CASZ1: variants seen among roughly 807,000 people sequenced by gnomAD.
CASZ1 encodes zinc finger protein castor homolog 1.
Under a neutral mutation model 135.2 loss-of-function variants are expected in CASZ1, and 28 were observed. The observed-to-expected ratio is 0.21, with a 90% CI of 0.15 to 0.28. The LOEUF is 0.28. Among genes scored for constraint, CASZ1 ranks in the 10% least tolerant of loss-of-function variants. The pLI, the probability that CASZ1 is intolerant of heterozygous loss-of-function variation, is 1.00. For synonymous variants in CASZ1, 1,068 were observed against 1,073.4 expected, an observed-to-expected ratio of 0.99 and a Z score of 0.10; for missense variants, 2,161 against 2,453.3, an observed-to-expected ratio of 0.88 and a Z score of 2.52.
rs1638874051 is a variant in CASZ1, at chr1:10,694,584, C to CCGCCGCCG, written c.-23-673_-23-672insCGGCGGCG. 1 of 137,422 alleles carries CCGCCGCCG rather than the reference C, an allele frequency of 7.3e-6. No individual in the cohort carries two copies. Among genetic ancestry groups the CCGCCGCCG allele is most frequent in the South Asian group, 2.2e-4 (1 of 4,566 alleles). 8.5% of individuals were successfully genotyped at this position (137,422 alleles called of 1,614,324 possible). ...GGCAGGTGAAAGAGCAGAGCGCGGC[C>CCGCCGCCG]CCGCCGCCGCCGCCGCCGCCGCCGC... On this transcript the variant is annotated intron_variant, in intron 3 of 20. Coordinates refer to ENST00000377022, the MANE Select transcript of CASZ1 (RefSeq NM_001079843.3). This position sits in a 1 kb window ranked among gnomAD's most constrained non-coding sequence, Gnocchi z 6.6.
intron 4 of CASZ1, among the ~76,000 whole-genome samples, chr1:10,688,208 C>T (rs1638656124): frequency 6.6e-6 from 1 of 152,110 alleles, no homozygotes; most frequent in Admixed American, 6.5e-5. Context: ...AGTGCTGGGT[C>T]CTGGCACAGC....
rs888449004 is a variant in CASZ1 at position 10,719,939 on chromosome 1, T to G, written c.-76-14395A>C. 6.6e-6 allele frequency among the ~76,000 whole-genome samples: 1 copy of G among 152,198 alleles called. No homozygotes were observed. The highest frequency in any genetic ancestry group is 6.5e-5 in the Admixed American group (1 of 15,284). On this transcript the variant is annotated intron_variant, in intron 2 of 20. Transcript: ENST00000377022. This position sits in a 1 kb window ranked among gnomAD's most constrained non-coding sequence, Gnocchi z 4.0. ...AGAGGCCAGCAGTGCAGAGATATGGTGCCTGAACACAGGTCCTCCGACAGC... is the reference window on the plus strand; with the variant it reads ...AGAGGCCAGCAGTGCAGAGATATGGGGCCTGAACACAGGTCCTCCGACAGC...
intron 2 of CASZ1, among the ~76,000 whole-genome samples, chr1:10,708,933 G>A (rs1043976054): frequency 6.8e-6 from 1 of 146,070 alleles, no homozygotes; most frequent in Non-Finnish European, 1.5e-5. Flanking sequence ...GCCAGGGTCG[G>A]GGGAGGGCAG....
chr1:10,694,019 G>T lies in CASZ1; in HGVS notation c.-23-107C>A. ...GCTTGTCCCCCGCCCCGCAGGAGCG[G>T]CCCGTCCCGGGCGGGCGCCGAGGCC... is the stretch of plus-strand genomic sequence containing the variant. On this transcript the variant is annotated intron_variant, in intron 3 of 20. Coordinates refer to ENST00000377022, the MANE Select transcript of CASZ1 (RefSeq NM_001079843.3). The surrounding 1 kb of genome is among the most constrained non-coding windows in gnomAD (Gnocchi z 6.6). 1.8e-6 allele frequency: 2 copies of T among 1,083,864 alleles called. No homozygotes were observed. Among genetic ancestry groups the T allele is most frequent in the Non-Finnish European group, 2.6e-6 (2 of 761,550 alleles). 67.1% of individuals were successfully genotyped at this position (1,083,864 alleles called of 1,614,324 possible).
Position 10,727,820 on chromosome 1 carries a change from G to A in CASZ1, c.-76-22276C>T, listed in dbSNP as rs917693092. Among the ~76,000 whole-genome samples the A allele has an allele frequency of 6.6e-6, 1 of 152,216 alleles. No individual in the cohort carries two copies. The highest frequency in any genetic ancestry group is 1.9e-4 in the East Asian group (1 of 5,188). On this transcript the variant is annotated intron_variant, in intron 2 of 20. Transcript: ENST00000377022. This position sits in a 1 kb window ranked among gnomAD's most constrained non-coding sequence, Gnocchi z 5.3. Reference sequence around the variant, plus strand: ...CCTTGCCCAGACTGTGCCGACCTGGGAACCTGTGGAGCCCCTGGCTAGTGG... The same window carrying A: ...CCTTGCCCAGACTGTGCCGACCTGGAAACCTGTGGAGCCCCTGGCTAGTGG...
At chr1:10,752,851 C>A (rs1640174556) in intron 2 of CASZ1, among the ~76,000 whole-genome samples, 1 of 152,164 alleles carries the variant, frequency 6.6e-6, no homozygotes, top group African/African-American at 2.4e-5. Context: ...GCCTGGCCAA[C>A]ATGGTGAAAC....
intron 2 of CASZ1, among the ~76,000 whole-genome samples, chr1:10,715,332 A>C (rs980431978): frequency 5.9e-5 from 9 of 152,084 alleles, no homozygotes; most frequent in African/African-American, 2.2e-4. Flanking sequence ...ACGATGGTAG[A>C]AGCAGTCCTG....
At chr1:10,663,964 T>TTCCTC (rs796842856) in intron 5 of CASZ1, among the ~76,000 whole-genome samples, 9 of 152,114 alleles carry the variant, frequency 5.9e-5, no homozygotes, top group South Asian at 2.1e-4. Flanking sequence ...CCTTGTCGCG[T>TTCCTC]TCCTCTCCTC....
intron 4 of CASZ1, among the ~76,000 whole-genome samples, chr1:10,683,978 G>C (rs1309623022): frequency 2.6e-5 from 4 of 152,206 alleles, no homozygotes; most frequent in African/African-American, 9.6e-5. Context: ...CTGCCATTTG[G>C]AACAGTGCTC....
At chr1:10,765,283 G>C (rs920935761) in intron 1 of CASZ1, among the ~76,000 whole-genome samples, 1 of 151,860 alleles carries the variant, frequency 6.6e-6, no homozygotes, top group Non-Finnish European at 1.5e-5. Context: ...AGATAAGCCC[G>C]GGGTGGGGAG....
rs1639232357 is a variant in CASZ1 at position 10,709,040 on chromosome 1, G to A, written c.-76-3496C>T. Among the ~76,000 whole-genome samples the A allele has an allele frequency of 6.6e-6, 1 of 152,008 alleles. No homozygotes were observed. The stretch of plus-strand genomic sequence containing the variant: ...ATGGGACGGGGGAGAGTGACAGGCG[G>A]AGAAGTGGCAGGGACCAGCGTACCA... On this transcript the variant is annotated intron_variant, in intron 2 of 20. Transcript: ENST00000377022. This position sits in a 1 kb window ranked among gnomAD's most constrained non-coding sequence, Gnocchi z 5.1.
rs1191922738 is a variant in CASZ1, at chr1:10,699,976, G to A, written c.-24+5516C>T. On this transcript the variant is annotated intron_variant, in intron 3 of 20. Coordinates refer to ENST00000377022, the MANE Select transcript of CASZ1 (RefSeq NM_001079843.3). The surrounding 1 kb of genome is among the most constrained non-coding windows in gnomAD (Gnocchi z 4.6). Reference sequence around the variant, plus strand: ...CAGAAGAGAAGCAGAGACAGAGAGAGAGAAAGAGAGACAGGCAGAGAGAGA... The same window carrying A: ...CAGAAGAGAAGCAGAGACAGAGAGAAAGAAAGAGAGACAGGCAGAGAGAGA... 6.6e-6 allele frequency among the ~76,000 whole-genome samples: 1 copy of A among 152,006 alleles called. No individual in the cohort carries two copies. The highest frequency in any genetic ancestry group is 2.1e-4 in the South Asian group (1 of 4,814).
chr1:10,675,440 G>A (rs1643537134), intron 4 of CASZ1, among the ~76,000 whole-genome samples: 1 of 152,154 alleles, frequency 6.6e-6, no homozygotes, highest in African/African-American at 2.4e-5. Context: ...GAGCAGGCGG[G>A]GTGGTCTGGC....
chr1:10,647,778 TC>T lies in CASZ1; in HGVS notation c.3497+22del. 4.3e-6 allele frequency: 7 copies of T among 1,612,656 alleles called. No homozygotes were observed. Among genetic ancestry groups the T allele is most frequent in the Non-Finnish European group, 5.9e-6 (7 of 1,180,002 alleles). On this transcript the variant is annotated intron_variant, in intron 16 of 20. Coordinates refer to ENST00000377022, the MANE Select transcript of CASZ1 (RefSeq NM_001079843.3). This position sits in a 1 kb window ranked among gnomAD's most constrained non-coding sequence, Gnocchi z 4.9. ...CCGAGACGCGAGGGGAACGCGGGAC[TC>T]CCGGCTCATCGAGGGACTCACTTCT... is the stretch of plus-strand genomic sequence containing the variant.
At chr1:10,769,609 C>T (rs780535015) in intron 1 of CASZ1, among the ~76,000 whole-genome samples, 20 of 151,706 alleles carry the variant, frequency 1.3e-4, no homozygotes, top group Non-Finnish European at 2.4e-4. Context: ...CTCTGTTCCC[C>T]GGGTTCAAGC....
In CASZ1 at chr1:10,690,001, C is replaced by T. The variant is rs533952880; in HGVS notation, c.16+3873G>A. On this transcript the variant is annotated intron_variant, in intron 4 of 20. Coordinates refer to ENST00000377022, the MANE Select transcript of CASZ1 (RefSeq NM_001079843.3). ...CAAGATGGCCCCAGAGCACCTACCCCCTGCAGCAGACTGGCAAAACCGGTG... is the reference window on the plus strand; with the variant it reads ...CAAGATGGCCCCAGAGCACCTACCCTCTGCAGCAGACTGGCAAAACCGGTG... Among the ~76,000 whole-genome samples the T allele has an allele frequency of 3.3e-5, 5 of 152,368 alleles. No homozygotes were observed. In the East Asian group the frequency reaches 5.8e-4, roughly 18 times the overall value.
intron 18 of CASZ1, among the ~76,000 whole-genome samples, chr1:10,644,550 A>G (rs2124669945): frequency 6.6e-6 from 1 of 152,336 alleles, no homozygotes; most frequent in South Asian, 2.1e-4. Flanking sequence ...AAAGCCATGG[A>G]AAGAGATCCC....
rs1486869575 is a variant in CASZ1, at chr1:10,724,575, G to A, written c.-76-19031C>T. Among the ~76,000 whole-genome samples, 1 of 152,194 alleles carries A rather than the reference G, an allele frequency of 6.6e-6. No individual in the cohort carries two copies. The highest frequency in any genetic ancestry group is 6.5e-5 in the Admixed American group (1 of 15,282). On this transcript the variant is annotated intron_variant, in intron 2 of 20. Coordinates refer to ENST00000377022, the MANE Select transcript of CASZ1 (RefSeq NM_001079843.3). The surrounding 1 kb of genome is among the most constrained non-coding windows in gnomAD (Gnocchi z 4.1). ...GGCTTTGGAGCCCAGGAATCACCTA[G>A]CCCTCAGGGGTAGGGGCTCAGGGAG... is the stretch of plus-strand genomic sequence containing the variant.
Position 10,711,807 on chromosome 1 carries a change from G to A in CASZ1, c.-76-6263C>T, listed in dbSNP as rs1639291405. On this transcript the variant is annotated intron_variant, in intron 2 of 20. Transcript: ENST00000377022. The surrounding 1 kb of genome is among the most constrained non-coding windows in gnomAD (Gnocchi z 4.4). The stretch of plus-strand genomic sequence containing the variant: ...GTGGATAGACCTGGAAATGTTGAAC[G>A]AGAAAGGAGCCAGACAGACACAATA... 1.3e-5 allele frequency among the ~76,000 whole-genome samples: 2 copies of A among 152,124 alleles called. No individual in the cohort carries two copies. Among genetic ancestry groups the A allele is most frequent in the Admixed American group, 6.5e-5 (1 of 15,274 alleles).
Sources: allele counts gnomAD v4.1 joint callset (sites outside exome capture counted in the v4.1 genomes callset), GRCh38; gene constraint gnomAD v4.1.1; non-coding constraint Gnocchi (gnomAD v3.1); transcripts MANE v1.5; gene names NCBI Gene and HGNC (gene_info 2026-07-23, HGNC 2026-07-21).